Variants in AGAP1 observed in about 807,000 individuals in gnomAD.
AGAP1 encodes the protein ArfGAP with GTPase domain, ankyrin repeat and PH domain 1.
A neutral mutation model predicts 105.3 loss-of-function variants in AGAP1; 29 were observed. The ratio of observed to expected loss-of-function variants is 0.28; its 90% confidence interval spans 0.21 to 0.38. The LOEUF is 0.38. Among genes scored for constraint, AGAP1 ranks in the 10% least tolerant of loss-of-function variants. The pLI, the probability that AGAP1 is intolerant of heterozygous loss-of-function variation, is 1.00. For synonymous variants in AGAP1, 509 were observed against 485.9 expected (o/e 1.05, Z -0.63); for missense variants, 998 against 1,165.1 (o/e 0.86, Z 2.09).
At chr2:235,531,858 T>C (rs1382547655) in intron 1 of AGAP1, among the ~76,000 whole-genome samples, 4 of 152,094 alleles carry the variant, frequency 2.6e-5, no homozygotes, top group African/African-American at 7.2e-5. Flanking sequence ...TTGATCCATG[T>C]GCCTTGGCCT....
At chr2:236,033,857 G>T (rs980339720) in intron 13 of AGAP1, among the ~76,000 whole-genome samples, 1 of 152,242 alleles carries the variant, frequency 6.6e-6, no homozygotes, top group Non-Finnish European at 1.5e-5. Context: ...CAGTTGTGCA[G>T]AAATTTAACC....
In AGAP1 at chr2:235,877,708, T is replaced by C. The variant is rs1308223553; in HGVS notation, c.1051-5637T>C. Among the ~76,000 whole-genome samples the C allele has an allele frequency of 6.6e-6, 1 of 152,198 alleles. No individual in the cohort carries two copies. The highest frequency in any genetic ancestry group is 1.5e-5 in the Non-Finnish European group (1 of 68,022). On this transcript the variant is annotated intron_variant, in intron 9 of 17. Coordinates refer to ENST00000304032, the MANE Select transcript of AGAP1 (RefSeq NM_001037131.3). The surrounding 1 kb of genome is among the most constrained non-coding windows in gnomAD (Gnocchi z 4.3). The stretch of plus-strand genomic sequence containing the variant: ...TACACTCAAAAATTTAAAAATTCTC[T>C]TGGAGAAATTATGGTTCCAGAGAAA...
chr2:235,899,971 G>A (rs893995752), intron 10 of AGAP1, among the ~76,000 whole-genome samples: 1 of 152,194 alleles, frequency 6.6e-6, no homozygotes, highest in Non-Finnish European at 1.5e-5. Context: ...AGAATTTTCT[G>A]CTTTTTGATT....
rs1028369040 is a variant in AGAP1, at chr2:235,967,337, C to A, written c.1484-1125C>A. Among the ~76,000 whole-genome samples, 1 of 152,180 alleles carries A rather than the reference C, an allele frequency of 6.6e-6. No individual in the cohort carries two copies. The highest frequency in any genetic ancestry group is 1.5e-5 in the Non-Finnish European group (1 of 68,036). ...TTTAAATGACACCCCCCATCACTGCCGCCTCTCCCCAGCCTCCCAGCCTTG... is the reference window on the plus strand; with the variant it reads ...TTTAAATGACACCCCCCATCACTGCAGCCTCTCCCCAGCCTCCCAGCCTTG... On this transcript the variant is annotated intron_variant, in intron 12 of 17. Coordinates refer to ENST00000304032, the MANE Select transcript of AGAP1 (RefSeq NM_001037131.3). The surrounding 1 kb of genome is among the most constrained non-coding windows in gnomAD (Gnocchi z 4.7).
At position 235,982,069 on chromosome 2, in the gene AGAP1, T is replaced by C. The variant is rs7601459; in HGVS notation, c.1645+13446T>C. The stretch of plus-strand genomic sequence containing the variant: ...TACCCGAGGCTGTGCTTCAGCAGAT[T>C]GACAGAATGCATTTTTACAGCACTT... On this transcript the variant is annotated intron_variant, in intron 13 of 17. Transcript: ENST00000304032. This position sits in a 1 kb window ranked among gnomAD's most constrained non-coding sequence, Gnocchi z 4.9. 0.67 allele frequency among the ~76,000 whole-genome samples: 102,351 copies of C among 152,192 alleles called. 36,325 individuals carry two copies. The highest frequency in any genetic ancestry group is 0.92 in the African/African-American group (38,160 of 41,566).
rs2052987036 is a variant in AGAP1, at chr2:235,936,347, C to T, written c.1483+5424C>T. 1.3e-5 allele frequency among the ~76,000 whole-genome samples: 2 copies of T among 152,154 alleles called. No homozygotes were observed. Among genetic ancestry groups the T allele is most frequent in the East Asian group, 1.9e-4 (1 of 5,196 alleles). ...TCTGGTCCCTGTTTCCTTCTGGCCA[C>T]GTAATCATTATATCTTTCCAGTAGA... On this transcript the variant is annotated intron_variant, in intron 12 of 17. Transcript: ENST00000304032. This position sits in a 1 kb window ranked among gnomAD's most constrained non-coding sequence, Gnocchi z 4.7.
Position 235,889,083 on chromosome 2 carries a change from G to C in AGAP1, c.1155+5634G>C, listed in dbSNP as rs1472125562. Among the ~76,000 whole-genome samples the C allele has an allele frequency of 6.6e-6, 1 of 152,302 alleles. No individual in the cohort carries two copies. Among genetic ancestry groups the C allele is most frequent in the Middle Eastern group, 3.4e-3 (1 of 294 alleles). On this transcript the variant is annotated intron_variant, in intron 10 of 17. Transcript: ENST00000304032. This position sits in a 1 kb window ranked among gnomAD's most constrained non-coding sequence, Gnocchi z 4.6. ...CACGGAAGTGTTTGTGTGAAAGATC[G>C]ATCACCTTTGGACACGAACTTCAAG...
In AGAP1 at chr2:235,614,050, CA is replaced by C. The variant is rs1196168728; in HGVS notation, c.164-95125del. On this transcript the variant is annotated intron_variant, in intron 1 of 17. Coordinates refer to ENST00000304032, the MANE Select transcript of AGAP1 (RefSeq NM_001037131.3). This position sits in a 1 kb window ranked among gnomAD's most constrained non-coding sequence, Gnocchi z 4.7. ...CTTTTGTGTGTTTTGGCCAAATACT[CA>C]AAAGCACTAAGTTTTCTTGCGTGGT... Among the ~76,000 whole-genome samples the C allele has an allele frequency of 6.6e-6, 1 of 151,768 alleles. No individual in the cohort carries two copies. Among genetic ancestry groups the C allele is most frequent in the East Asian group, 1.9e-4 (1 of 5,174 alleles).
rs368185438 is a variant in AGAP1, at chr2:235,968,454, A to G, written c.1484-8A>G. The G allele has an allele frequency of 2.0e-5, 30 of 1,531,162 alleles. No individual in the cohort carries two copies. The highest frequency in any genetic ancestry group is 2.6e-5 in the Non-Finnish European group (30 of 1,147,416). 94.8% of individuals were successfully genotyped at this position (1,531,162 alleles called of 1,614,324 possible). ...TTTTTTTTTTTGCCTTTTCCGGTCC[A>G]ATGGCAGACACAGGGCTGGGTGACT... On this transcript the variant is annotated splice_polypyrimidine_tract_variant and splice_region_variant and intron_variant, in intron 12 of 17. Coordinates refer to ENST00000304032, the MANE Select transcript of AGAP1 (RefSeq NM_001037131.3).
chr2:235,672,671 C>G (rs188547423), intron 1 of AGAP1, among the ~76,000 whole-genome samples: 15 of 152,354 alleles, frequency 9.8e-5, no homozygotes, highest in Admixed American at 5.9e-4. Flanking sequence ...TGCATCTTTG[C>G]TCTGTGGACT....
In AGAP1 at chr2:235,537,724, C is replaced by A. The variant is rs79660776; in HGVS notation, c.163+42875C>A. Among the ~76,000 whole-genome samples, 1,202 of 152,268 alleles carry A rather than the reference C, an allele frequency of 7.9e-3. 16 individuals carry two copies. Among genetic ancestry groups the A allele is most frequent in the African/African-American group, 0.027 (1,126 of 41,548 alleles). ...TGTCTAATAATTATCTCAGCAATTGCGATACCATTGGCTGAGGTTCATGGA... is the reference window on the plus strand; with the variant it reads ...TGTCTAATAATTATCTCAGCAATTGAGATACCATTGGCTGAGGTTCATGGA... On this transcript the variant is annotated intron_variant, in intron 1 of 17. Coordinates refer to ENST00000304032, the MANE Select transcript of AGAP1 (RefSeq NM_001037131.3).
At position 236,038,729 on chromosome 2, in the gene AGAP1, A is replaced by C. The variant is rs1446062029; in HGVS notation, c.1800+2014A>C. Among the ~76,000 whole-genome samples the C allele has an allele frequency of 6.6e-6, 1 of 152,194 alleles. No homozygotes were observed. The highest frequency in any genetic ancestry group is 1.5e-5 in the Non-Finnish European group (1 of 68,042). On this transcript the variant is annotated intron_variant, in intron 14 of 17. Coordinates refer to ENST00000304032, the MANE Select transcript of AGAP1 (RefSeq NM_001037131.3). The surrounding 1 kb of genome is among the most constrained non-coding windows in gnomAD (Gnocchi z 4.5). ...TGCCAGTGGATAATTGAGAGCTGATACAGGTATAGGCATAGCTAGACAGAC... is the reference window on the plus strand; with the variant it reads ...TGCCAGTGGATAATTGAGAGCTGATCCAGGTATAGGCATAGCTAGACAGAC...
At chr2:235,629,636 G>A (rs1011335822) in intron 1 of AGAP1, among the ~76,000 whole-genome samples, 1 of 151,818 alleles carries the variant, frequency 6.6e-6, no homozygotes, top group Non-Finnish European at 1.5e-5. Context: ...TGGAAGGCCA[G>A]GGCAGGGGGA....
intron 16 of AGAP1, among the ~76,000 whole-genome samples, chr2:236,071,572 G>A (rs749846886): frequency 7.9e-5 from 12 of 152,194 alleles, no homozygotes; most frequent in Admixed American, 1.3e-4. Context: ...GGGGACTCAC[G>A]GTAAACAGTT....
In AGAP1 at chr2:235,936,354, A is replaced by G. The variant is rs976215990; in HGVS notation, c.1483+5431A>G. 9.2e-5 allele frequency among the ~76,000 whole-genome samples: 14 copies of G among 152,174 alleles called. No individual in the cohort carries two copies. The highest frequency in any genetic ancestry group is 3.1e-4 in the African/African-American group (13 of 41,430). On this transcript the variant is annotated intron_variant, in intron 12 of 17. Transcript: ENST00000304032. This position sits in a 1 kb window ranked among gnomAD's most constrained non-coding sequence, Gnocchi z 4.7. ...CCTGTTTCCTTCTGGCCACGTAATC[A>G]TTATATCTTTCCAGTAGACTCTGTG...
Position 236,090,578 on chromosome 2 carries a change from C to T in AGAP1, c.2115-29614C>T, listed in dbSNP as rs1370148679. 6.6e-6 allele frequency among the ~76,000 whole-genome samples: 1 copy of T among 152,144 alleles called. No homozygotes were observed. The highest frequency in any genetic ancestry group is 1.5e-5 in the Non-Finnish European group (1 of 68,038). ...GGGTCGGAGGGAGGCCTTCCTCCTG[C>T]AGCGTGTTTCCAGTTGTTCGGATTT... On this transcript the variant is annotated intron_variant, in intron 16 of 17. Coordinates refer to ENST00000304032, the MANE Select transcript of AGAP1 (RefSeq NM_001037131.3). The surrounding 1 kb of genome is among the most constrained non-coding windows in gnomAD (Gnocchi z 4.3).
At chr2:235,677,030 G>A (rs987611365) in intron 1 of AGAP1, among the ~76,000 whole-genome samples, 1 of 152,176 alleles carries the variant, frequency 6.6e-6, no homozygotes, top group African/African-American at 2.4e-5. Flanking sequence ...ATTAGAATCC[G>A]CTGTGGTGTT....
rs948302940 is a variant in AGAP1 at position 236,042,423 on chromosome 2, A to G, written c.1891+1582A>G. Among the ~76,000 whole-genome samples, 1 of 152,150 alleles carries G rather than the reference A, an allele frequency of 6.6e-6. No individual in the cohort carries two copies. The highest frequency in any genetic ancestry group is 1.5e-5 in the Non-Finnish European group (1 of 68,024). ...CTTTAAAGTACCTCCTTATGTTTGA[A>G]TGTTTAAGTTTTACTTTCAAATGTG... On this transcript the variant is annotated intron_variant, in intron 15 of 17. Transcript: ENST00000304032. This position sits in a 1 kb window ranked among gnomAD's most constrained non-coding sequence, Gnocchi z 5.6.
At position 235,801,089 on chromosome 2, in the gene AGAP1, A is replaced by G. The variant is rs1315758434; in HGVS notation, c.957+1567A>G. 6.6e-6 allele frequency among the ~76,000 whole-genome samples: 1 copy of G among 151,980 alleles called. No individual in the cohort carries two copies. The highest frequency in any genetic ancestry group is 2.4e-5 in the African/African-American group (1 of 41,374). The stretch of plus-strand genomic sequence containing the variant: ...CTGCGGAGGCGGTTGCCAGCTGCAC[A>G]CACCCCCTCGTCCCCAGCCTCCCCT... On this transcript the variant is annotated intron_variant, in intron 8 of 17. Transcript: ENST00000304032. This position sits in a 1 kb window ranked among gnomAD's most constrained non-coding sequence, Gnocchi z 6.0.
Sources: gnomAD v4.1 joint callset for allele counts (sites outside exome capture counted in the v4.1 genomes callset) on GRCh38, gnomAD v4.1.1 for gene constraint, Gnocchi (gnomAD v3.1) non-coding constraint, MANE v1.5 for transcripts, NCBI Gene and HGNC (gene_info 2026-07-23, HGNC 2026-07-21) for gene names.